Variants in L3MBTL4 observed in about 807,000 individuals in gnomAD.
L3MBTL4 encodes the protein L3MBTL histone methyl-lysine binding protein 4.
In L3MBTL4, 70 loss-of-function variants were observed where a neutral mutation model predicts 84.5. The observed-to-expected ratio is 0.83, with a 90% CI of 0.68 to 1.01. The LOEUF is 1.01. Among genes scored for constraint, L3MBTL4 ranks in the 50% least tolerant of loss-of-function variants. The pLI, the probability that L3MBTL4 is intolerant of heterozygous loss-of-function variation, is 0.00. For missense variants in L3MBTL4, 715 were observed against 754.8 expected (o/e 0.95, Z 0.62); for synonymous variants, 274 against 259.8 (o/e 1.05, Z -0.52).
intron 1 of L3MBTL4, among the ~76,000 whole-genome samples, chr18:6,385,793 A>G (rs535694186): frequency 6.6e-6 from 1 of 152,342 alleles, no homozygotes; most frequent in African/African-American, 2.4e-5. Flanking sequence ...CGAATGAGGA[A>G]TAAACTCAAT....
chr18:6,007,404 T>C (rs368726577), intron 16 of L3MBTL4, among the ~76,000 whole-genome samples: 1 of 152,142 alleles, frequency 6.6e-6, no homozygotes, highest in African/African-American at 2.4e-5. Context: ...ATTAAATTTA[T>C]ACCAAGATAA....
intron 16 of L3MBTL4, among the ~76,000 whole-genome samples, chr18:6,042,935 C>T (rs1181606877): frequency 4.6e-5 from 7 of 152,180 alleles, no homozygotes; most frequent in South Asian, 4.1e-4. Context: ...CACATTAAGA[C>T]GTAACTCAAT....
intron 4 of L3MBTL4, among the ~76,000 whole-genome samples, chr18:6,271,650 G>C (rs1368790044): frequency 6.6e-6 from 1 of 152,218 alleles, no homozygotes; most frequent in Non-Finnish European, 1.5e-5. Context: ...GCAATGCAAA[G>C]CTCTTCAAAC....
intron 10 of L3MBTL4, among the ~76,000 whole-genome samples, chr18:6,219,932 G>A (rs1391108905): frequency 2.0e-5 from 3 of 152,024 alleles, no homozygotes; most frequent in African/African-American, 4.8e-5. Context: ...TGGACATGGC[G>A]GCACACACCT....
chr18:6,053,175 T>C (rs1476486172), intron 16 of L3MBTL4, among the ~76,000 whole-genome samples: 2 of 152,212 alleles, frequency 1.3e-5, no homozygotes, highest in African/African-American at 2.4e-5. Flanking sequence ...TTAGGTGTGT[T>C]AGTAAAGCAT....
intron 5 of L3MBTL4, among the ~76,000 whole-genome samples, chr18:6,246,190 C>A (rs933726570): frequency 1.3e-5 from 2 of 152,058 alleles, no homozygotes; most frequent in African/African-American, 2.4e-5. Context: ...ATTTAGAAAG[C>A]AATCATTTCC....
chr18:6,301,638 T>A (rs992537830), intron 4 of L3MBTL4, among the ~76,000 whole-genome samples: 1 of 152,218 alleles, frequency 6.6e-6, no homozygotes, highest in Non-Finnish European at 1.5e-5. Flanking sequence ...AGAGAAAATT[T>A]ACAAATAAGT....
At chr18:6,122,945 A>G (rs1350443042) in intron 14 of L3MBTL4, among the ~76,000 whole-genome samples, 1 of 152,248 alleles carries the variant, frequency 6.6e-6, no homozygotes, top group Non-Finnish European at 1.5e-5. Flanking sequence ...AGAGTTTTCC[A>G]TGAATTCATT....
At chr18:6,089,780 T>A (rs2143554921) in intron 15 of L3MBTL4, among the ~76,000 whole-genome samples, 1 of 152,364 alleles carries the variant, frequency 6.6e-6, no homozygotes, top group South Asian at 2.1e-4. Context: ...AAGTATGTGC[T>A]ATTAATAGTA....
intron 18 of L3MBTL4, among the ~76,000 whole-genome samples, chr18:5,959,883 C>A (rs1414037962): frequency 6.6e-6 from 1 of 151,984 alleles, no homozygotes; most frequent in Non-Finnish European, 1.5e-5. Context: ...CCAGCTTGGT[C>A]TCACACTGCA....
At chr18:6,258,988 T>C (rs980822230) in intron 5 of L3MBTL4, among the ~76,000 whole-genome samples, 1 of 151,626 alleles carries the variant, frequency 6.6e-6, no homozygotes, top group African/African-American at 2.4e-5. Flanking sequence ...AAAGGAGTGG[T>C]TGGGAGCTGG....
At chr18:6,332,308 GT>G (rs2052079088) in intron 1 of L3MBTL4, among the ~76,000 whole-genome samples, 1 of 152,316 alleles carries the variant, frequency 6.6e-6, no homozygotes, top group African/African-American at 2.4e-5. Context: ...GAGTTGACAC[GT>G]TCTGAAGACC....
At chr18:6,130,261 C>A (rs2059832497) in intron 14 of L3MBTL4, among the ~76,000 whole-genome samples, 2 of 150,542 alleles carry the variant, frequency 1.3e-5, no homozygotes. Context: ...CCCCACCCGC[C>A]ACACACACAC....
At chr18:6,230,387 C>G (rs1003872444) in intron 10 of L3MBTL4, among the ~76,000 whole-genome samples, 9 of 152,278 alleles carry the variant, frequency 5.9e-5, no homozygotes, top group Non-Finnish European at 4.4e-5. Flanking sequence ...CCAGCTCCAT[C>G]CACATTGCTA....
intron 12 of L3MBTL4, among the ~76,000 whole-genome samples, chr18:6,186,693 C>T (rs73938793): frequency 0.039 from 5,862 of 152,118 alleles, 392 homozygotes; most frequent in African/African-American, 0.13. Flanking sequence ...GGCAGTAAAT[C>T]ATAAACCAGC....
chr18:6,295,346 C>CTCTCTCTCTCTCTCTCTATATATATA (rs1261475809), intron 4 of L3MBTL4, among the ~76,000 whole-genome samples: 1 of 81,378 alleles, frequency 1.2e-5, no homozygotes, highest in African/African-American at 6.6e-5. Flanking sequence ...CTCTCTCTCT[C>CTCTCTCTCTCTCTCTCTATATATATA]TATATATATA....
intron 13 of L3MBTL4, among the ~76,000 whole-genome samples, chr18:6,154,750 T>G (rs1406192734): frequency 6.6e-6 from 1 of 152,176 alleles, no homozygotes; most frequent in Non-Finnish European, 1.5e-5. Context: ...AACATGATTT[T>G]TTGCATTACT....
chr18:5,981,810 T>A (rs538998852), intron 16 of L3MBTL4, among the ~76,000 whole-genome samples: 27 of 150,776 alleles, frequency 1.8e-4, no homozygotes, highest in East Asian at 3.9e-4. Context: ...AAAAAAAAAA[T>A]TTTTTTTTTA....
chr18:6,250,266 G>A (rs1164561862), intron 5 of L3MBTL4, among the ~76,000 whole-genome samples: 1 of 152,066 alleles, frequency 6.6e-6, no homozygotes, highest in Non-Finnish European at 1.5e-5. Flanking sequence ...TGTAAAATGG[G>A]CCATAACATG....
Sources: gnomAD v4.1 joint callset for allele counts (sites outside exome capture counted in the v4.1 genomes callset) on GRCh38, gnomAD v4.1.1 for gene constraint, MANE v1.5 for transcripts, NCBI Gene and HGNC (gene_info 2026-07-23, HGNC 2026-07-21) for gene names.